Variants in CTBS observed in about 807,000 individuals in gnomAD.
CTBS encodes chitobiase.
CTBS carries 35 observed loss-of-function variants against 44.3 expected under a neutral mutation model. The ratio of observed to expected loss-of-function variants is 0.79; its 90% CI spans 0.60 to 1.05. The LOEUF (loss-of-function observed/expected upper bound fraction) is 1.05, where lower values mean the gene tolerates loss of function less well. Ranked by LOEUF, CTBS falls within the 50% of genes least tolerant of loss-of-function variation. The probability of loss-of-function intolerance (pLI) is 0.00; values close to 1 mark genes in which losing one functional copy is unlikely to be tolerated. For missense variants in CTBS, 458 were observed against 475.3 expected (o/e 0.96, Z 0.34); for synonymous variants, 143 against 168.0 (o/e 0.85, Z 1.15).
At chr1:84,569,819 G>C in intron 3 of CTBS, 112 bp downstream of exon 3, 1 of 1,004,372 alleles carries the variant, frequency 1.0e-6, no homozygotes, top group South Asian at 1.5e-5. Flanking sequence ...AATAAGTGCT[G>C]AAACTCTTTC....
At chr1:84,558,271 A>C (rs1193818805) in intron 6 of CTBS, among the ~76,000 whole-genome samples, 3 of 151,648 alleles carry the variant, frequency 2.0e-5, no homozygotes, top group Non-Finnish European at 4.4e-5. Context: ...ATAAATACAG[A>C]TAATTTTTGC....
intron 2 of CTBS, among the ~76,000 whole-genome samples, chr1:84,570,368 TG>T: frequency 6.6e-6 from 1 of 152,228 alleles, no homozygotes; most frequent in Non-Finnish European, 1.5e-5. Flanking sequence ...AAGGCTAATT[TG>T]GCAGTTAACA....
intron 6 of CTBS, among the ~76,000 whole-genome samples, chr1:84,560,627 T>C (rs1404053264): frequency 4.6e-5 from 7 of 152,208 alleles, no homozygotes; most frequent in Admixed American, 1.3e-4. Flanking sequence ...TTTAAGACTT[T>C]GCTAGCTAGA....
chr1:84,550,889 AT>A lies in CTBS; in HGVS notation c.*4109del. 1 of 982,048 alleles carries A rather than the reference AT, an allele frequency of 1.0e-6. No homozygotes were observed. Among genetic ancestry groups the A allele is most frequent in the Non-Finnish European group, 1.2e-6 (1 of 826,566 alleles). 60.8% of individuals were successfully genotyped at this position (982,048 alleles called of 1,614,324 possible). A position where few individuals can be genotyped will look rare whatever the true frequency, so the allele number is the denominator to read the frequency against. ...GAGCTCTCCTCTGAACTGACATTTA[AT>A]TTTTTATGGGTAATCGTTTCATTTT... On this transcript the variant is annotated 3_prime_UTR_variant, in exon 7 of 7. Transcript: ENST00000370630.
At position 84,570,136 on chromosome 1, in the gene CTBS, T is replaced by A; in HGVS notation, c.320A>T (p.Asp107Val). 6 of 1,608,288 alleles carry A rather than the reference T, an allele frequency of 3.7e-6. No individual in the cohort carries two copies. The highest frequency in any genetic ancestry group is 5.1e-6 in the Non-Finnish European group (6 of 1,177,480). ...SKGARVVLKG[D>V]VSLKDIIDPA... is the part of the protein sequence containing the mutation. ...ATCAATGATATCCTTTAAGGATACA[T>A]CTCCTGTGGAAGAAGTATATATCTT... Residue 107 changes from aspartate to valine, a missense_variant, in exon 3 of 7, where the codon GAT (aspartate) becomes GTT (valine). Physicochemically the swap from Asp to Val is radical, Grantham distance 152. Transcript: ENST00000370630.
In CTBS at chr1:84,574,265, G is replaced by T; in HGVS notation, c.151C>A (p.Pro51Thr). ...TCGAAATCTGGATGGTGGCGAATCG[G>T]GCGGCAGAGCTCAGGCTCCGGGCAT... The part of the protein sequence containing the change: ...CPCPEPELCR[P>T]IRHHPDFEVF... Residue 51 changes from proline to threonine, a missense_variant, in exon 1 of 7, where the codon CCG becomes ACG. Transcript: ENST00000370630. 6 of 1,601,750 alleles carry T rather than the reference G, an allele frequency of 3.7e-6. No individual in the cohort carries two copies. The highest frequency in any genetic ancestry group is 5.1e-6 in the Non-Finnish European group (6 of 1,175,276).
chr1:84,573,022 C>G (rs565956959), intron 1 of CTBS, among the ~76,000 whole-genome samples: 46 of 152,290 alleles, frequency 3.0e-4, no homozygotes, highest in Non-Finnish European at 6.3e-4. Flanking sequence ...CCCACTGCCT[C>G]TACCACCGCG....
intron 2 of CTBS, 120 bp from the exon 3 acceptor site, chr1:84,570,259 CATT>C: frequency 1.3e-6 from 1 of 777,090 alleles, no homozygotes; most frequent in Non-Finnish European, 2.1e-6. Flanking sequence ...AACAGAAAGC[CATT>C]ACTCATGAAT....
chr1:84,572,696 TG>T (rs1309920647), intron 1 of CTBS, among the ~76,000 whole-genome samples: 2 of 151,888 alleles, frequency 1.3e-5, no homozygotes, highest in African/African-American at 4.8e-5. Context: ...GACATAGTCT[TG>T]CTCTGTCGCC....
intron 6 of CTBS, among the ~76,000 whole-genome samples, chr1:84,562,921 A>C (rs1273202414): frequency 6.6e-6 from 1 of 152,148 alleles, no homozygotes; most frequent in Non-Finnish European, 1.5e-5. Flanking sequence ...ATAGTAACTT[A>C]TTTTGGCCCA....
At position 84,570,078 on chromosome 1, in the gene CTBS, T is replaced by G; in HGVS notation, c.378A>C (p.Lys126Asn). Residue 126 changes from lysine (K) to asparagine (N), a missense_variant, in exon 3 of 7, where the codon AAA becomes AAC. Physicochemically the swap from Lys to Asn is moderately conservative, Grantham distance 94. Transcript: ENST00000370630. ...PAFRASWIAQ[K>N]LNLAKTQYMD... is the part of the protein sequence containing the mutation. ...TATATTGTGTTTTGGCCAAATTAAGTTTTTGAGCTATCCAGGATGCTCTGA... is the reference window on the plus strand; with the variant it reads ...TATATTGTGTTTTGGCCAAATTAAGGTTTTGAGCTATCCAGGATGCTCTGA... 6.2e-7 allele frequency: 1 copy of G among 1,613,668 alleles called. No individual in the cohort carries two copies. The highest frequency in any genetic ancestry group is 1.7e-5 in the Admixed American group (1 of 59,964).
intron 5 of CTBS, among the ~76,000 whole-genome samples, 154 bp downstream of exon 5, chr1:84,563,581 G>A (rs1684634137): frequency 6.6e-6 from 1 of 151,904 alleles, no homozygotes; most frequent in African/African-American, 2.4e-5. Context: ...GAAAATGTAT[G>A]ATAATCATAA....
At chr1:84,563,164 A>G in intron 6 of CTBS, 93 bp downstream of exon 6, 1 of 896,896 alleles carries the variant, frequency 1.1e-6, no homozygotes, top group Non-Finnish European at 1.6e-6. Context: ...CCTAAAAGAA[A>G]ACTGATAGAA....
At position 84,551,414 on chromosome 1, in the gene CTBS, C is replaced by A; in HGVS notation, c.*3585G>T. 1 of 491,368 alleles carries A rather than the reference C, an allele frequency of 2.0e-6. No homozygotes were observed. The highest frequency in any genetic ancestry group is 2.6e-6 in the Non-Finnish European group (1 of 378,836). 30.4% of individuals were successfully genotyped at this position (491,368 alleles called of 1,614,324 possible). ...AATAAAAAAATAGAATTAGCACTGT[C>A]CAACAGAACTTATGTGATGATAGAA... On this transcript the variant is annotated 3_prime_UTR_variant, in exon 7 of 7. Transcript: ENST00000370630.
In CTBS at chr1:84,551,172, G is replaced by A; in HGVS notation, c.*3827C>T. The A allele has an allele frequency of 1.0e-6, 1 of 985,180 alleles. No homozygotes were observed. Among genetic ancestry groups the A allele is most frequent in the Non-Finnish European group, 1.2e-6 (1 of 829,800 alleles). 61.0% of individuals were successfully genotyped at this position (985,180 alleles called of 1,614,324 possible). On this transcript the variant is annotated 3_prime_UTR_variant, in exon 7 of 7. Transcript: ENST00000370630. ...AAGCTTTTTTGTTGAACAGAAAACA[G>A]AAGATTATACATTTTCATACAAGTA... is the stretch of plus-strand genomic sequence containing the variant.
At chr1:84,571,440 TTTTG>T (rs986473182) in intron 1 of CTBS, among the ~76,000 whole-genome samples, 2 of 152,214 alleles carry the variant, frequency 1.3e-5, no homozygotes, top group Admixed American at 1.3e-4. Flanking sequence ...ATTTACTGTT[TTTTG>T]TTTGTTTGGT....
chr1:84,560,468 A>C (rs2102021768), intron 6 of CTBS, among the ~76,000 whole-genome samples: 1 of 152,250 alleles, frequency 6.6e-6, no homozygotes, highest in Middle Eastern at 3.4e-3. Flanking sequence ...ACTTCGTTGA[A>C]CCTAAGCACA....
intron 6 of CTBS, among the ~76,000 whole-genome samples, chr1:84,556,509 G>A (rs191526868): frequency 1.7e-4 from 25 of 151,348 alleles, no homozygotes; most frequent in South Asian, 1.2e-3. Flanking sequence ...TCGAGAGATC[G>A]AGACCATCCT....
At chr1:84,557,099 T>A (rs1012661312) in intron 6 of CTBS, among the ~76,000 whole-genome samples, 1 of 152,186 alleles carries the variant, frequency 6.6e-6, no homozygotes, top group African/African-American at 2.4e-5. Flanking sequence ...GTAAGACTAA[T>A]TTATGCATGG....
Sources: allele counts gnomAD v4.1 joint callset (sites outside exome capture counted in the v4.1 genomes callset), GRCh38; gene constraint gnomAD v4.1.1; transcripts MANE v1.5; gene names NCBI Gene and HGNC (gene_info 2026-07-23, HGNC 2026-07-21).